The following PIGU variants were observed in gnomAD, a reference collection of about 807,000 sequenced individuals.
PIGU encodes phosphatidylinositol glycan anchor biosynthesis class U, also known as GPI-anchor transamidase component PIGU.
In PIGU, 24 loss-of-function variants were observed where a neutral mutation model predicts 49.9. The observed-to-expected ratio is 0.48, with a 90% CI of 0.35 to 0.68. The LOEUF (loss-of-function observed/expected upper bound fraction) is 0.68, where lower values mean the gene tolerates loss of function less well. PIGU is among the 30% of genes least tolerant of loss of function. PIGU has a pLI of 0.01. For synonymous variants in PIGU, 220 were observed against 205.7 expected, an observed-to-expected ratio of 1.07 and a Z score of -0.59; for missense variants, 490 against 532.6, an observed-to-expected ratio of 0.92 and a Z score of 0.79.
chr20:34,656,280 A>AT (rs752461467), intron 2 of PIGU, among the ~76,000 whole-genome samples: 1,771 of 43,206 alleles, frequency 0.041, 327 homozygotes, highest in African/African-American at 0.12. Flanking sequence ...CCTGTTTATA[A>AT]TTTTTTTTTT....
At chr20:34,628,817 C>A (rs1022295302) in intron 6 of PIGU, among the ~76,000 whole-genome samples, 9 of 152,172 alleles carry the variant, frequency 5.9e-5, no homozygotes, top group African/African-American at 2.2e-4. Context: ...TGTCACTGCA[C>A]TCCAACCTGG....
At chr20:34,597,854 T>C (rs1248128622) in intron 7 of PIGU, among the ~76,000 whole-genome samples, 1 of 152,200 alleles carries the variant, frequency 6.6e-6, no homozygotes, top group Non-Finnish European at 1.5e-5. Context: ...ATACACTGTT[T>C]AGCAAGCCAT....
At chr20:34,645,245 C>T (rs1280791437) in intron 3 of PIGU, 30 bp downstream of exon 3, 1 of 1,377,678 alleles carries the variant, frequency 7.3e-7, no homozygotes, top group African/African-American at 1.6e-5. Flanking sequence ...AAAATATATA[C>T]ATATCAATTT....
intron 1 of PIGU, among the ~76,000 whole-genome samples, chr20:34,663,171 G>C (rs1409349764): frequency 1.3e-5 from 2 of 152,168 alleles, no homozygotes; most frequent in Admixed American, 6.6e-5. Context: ...TCCCAAAGTG[G>C]TGGGATTACA....
At chr20:34,584,505 T>C (rs1028090889) in intron 9 of PIGU, among the ~76,000 whole-genome samples, 2 of 25,958 alleles carry the variant, frequency 7.7e-5, no homozygotes, top group Non-Finnish European at 2.0e-4. Context: ...ACTCCTGTTC[T>C]TTTTTTTTTT....
intron 11 of PIGU, 30 bp from the exon 12 acceptor site, chr20:34,561,009 G>C (rs887192052): frequency 6.8e-6 from 10 of 1,479,792 alleles, no homozygotes; most frequent in African/African-American, 2.8e-5. Context: ...GTGAGGCGCT[G>C]CTGGGTACCT....
At chr20:34,607,056 G>A (rs545738496) in intron 7 of PIGU, among the ~76,000 whole-genome samples, 26 of 152,350 alleles carry the variant, frequency 1.7e-4, no homozygotes, top group Middle Eastern at 6.8e-3. Context: ...ACCATGCCCG[G>A]CCATAAATAT....
At chr20:34,599,912 T>C (rs1382052295) in intron 7 of PIGU, among the ~76,000 whole-genome samples, 15 of 152,160 alleles carry the variant, frequency 9.9e-5, no homozygotes. Context: ...TATTCTAATA[T>C]AAAGTATAAC....
intron 4 of PIGU, 124 bp downstream of exon 4, chr20:34,644,040 A>C: frequency 1.2e-6 from 1 of 856,960 alleles, no homozygotes; most frequent in South Asian, 1.5e-5. Context: ...AACAGGCCAG[A>C]AGTTTCACCA....
chr20:34,593,731 G>C (rs374826237), intron 7 of PIGU, among the ~76,000 whole-genome samples: 2 of 152,180 alleles, frequency 1.3e-5, no homozygotes, highest in East Asian at 3.8e-4. Context: ...ATAGCTTAGG[G>C]ATCCAAATAT....
intron 2 of PIGU, among the ~76,000 whole-genome samples, chr20:34,652,974 GT>G (rs1297140166): frequency 2.3e-3 from 313 of 136,272 alleles, no homozygotes; most frequent in Middle Eastern, 7.5e-3. Context: ...GTCAAGTTGG[GT>G]TTTTTTTTTT....
chr20:34,603,046 T>C (rs1004526083), intron 7 of PIGU, among the ~76,000 whole-genome samples: 7 of 152,310 alleles, frequency 4.6e-5, no homozygotes, highest in South Asian at 2.1e-4. Context: ...CTTTTTTTTT[T>C]TTCTTGTTAC....
intron 11 of PIGU, among the ~76,000 whole-genome samples, chr20:34,571,198 G>A (rs1170862029): frequency 6.6e-6 from 1 of 152,120 alleles, no homozygotes; most frequent in East Asian, 1.9e-4. Flanking sequence ...CCCCCACCAT[G>A]GATGGTTTAC....
In PIGU at chr20:34,652,031, ACT is replaced by A. The variant is rs567545724; in HGVS notation, c.195+5147_195+5148del. Among the ~76,000 whole-genome samples, 180 of 151,962 alleles carry A rather than the reference ACT, an allele frequency of 1.2e-3. 1 individual carries two copies. Among genetic ancestry groups the A allele is most frequent in the African/African-American group, 4.2e-3 (174 of 41,442 alleles). Reference sequence around the variant, plus strand: ...TTTTCGTTTTTTGAGTCATGATTTTACTCTGTTGCCTAGGCTGGGGTGCAGAG... The same window carrying A: ...TTTTCGTTTTTTGAGTCATGATTTTACTGTTGCCTAGGCTGGGGTGCAGAG... On this transcript the variant is annotated intron_variant, in intron 2 of 11. Coordinates refer to ENST00000217446, the MANE Select transcript of PIGU (RefSeq NM_080476.5).
intron 11 of PIGU, among the ~76,000 whole-genome samples, chr20:34,567,821 C>T (rs571967419): frequency 6.6e-6 from 1 of 152,024 alleles, no homozygotes; most frequent in East Asian, 1.9e-4. Context: ...CTCTCTCTCT[C>T]TCTCTCTCCC....
At chr20:34,657,347 C>T (rs1986734936) in intron 1 of PIGU, 103 bp from the exon 2 acceptor site, 1 of 760,986 alleles carries the variant, frequency 1.3e-6, no homozygotes. Flanking sequence ...TTTATCTAAC[C>T]CCCTTTACCT....
chr20:34,582,873 G>C (rs560562328), intron 9 of PIGU, among the ~76,000 whole-genome samples: 10 of 152,174 alleles, frequency 6.6e-5, no homozygotes, highest in Admixed American at 2.6e-4. Context: ...TTGGGGGACA[G>C]AGCTCAATCT....
At chr20:34,622,042 T>G (rs1985255076) in intron 6 of PIGU, among the ~76,000 whole-genome samples, 1 of 152,048 alleles carries the variant, frequency 6.6e-6, no homozygotes. Context: ...TAGCTCAATA[T>G]AGCCAAAACA....
At chr20:34,566,002 T>G (rs1982747097) in intron 11 of PIGU, among the ~76,000 whole-genome samples, 1 of 146,160 alleles carries the variant, frequency 6.8e-6, no homozygotes, top group African/African-American at 2.6e-5. Context: ...CTTGCAATGC[T>G]TAGACACACA....
Sources: allele counts gnomAD v4.1 joint callset (sites outside exome capture counted in the v4.1 genomes callset), GRCh38; gene constraint gnomAD v4.1.1; transcripts MANE v1.5; gene names NCBI Gene and HGNC (gene_info 2026-07-23, HGNC 2026-07-21).